Variants in MYO18B observed in about 807,000 individuals in gnomAD.
MYO18B encodes the protein unconventional myosin-XVIIIb.
A neutral mutation model predicts 273.0 loss-of-function variants in MYO18B; 204 were observed. The ratio of observed to expected loss-of-function variants is 0.75; its 90% CI spans 0.67 to 0.84. The LOEUF is 0.84. Among genes scored for constraint, MYO18B ranks in the 40% least tolerant of loss-of-function variants. MYO18B has a pLI of 0.00. For missense variants in MYO18B, 3,212 were observed against 3,287.6 expected (o/e 0.98, Z 0.56); for synonymous variants, 1,330 against 1,305.7 (o/e 1.02, Z -0.40).
At chr22:25,898,538 G>T in intron 29 of MYO18B, 77 bp downstream of exon 29, 1 of 1,520,368 alleles carries the variant, frequency 6.6e-7, no homozygotes, top group South Asian at 1.2e-5. Flanking sequence ...GGGTATCCAG[G>T]TTCTCCTAAC....
chr22:25,833,262 A>T (rs2145939956), intron 16 of MYO18B, among the ~76,000 whole-genome samples: 1 of 152,298 alleles, frequency 6.6e-6, no homozygotes, highest in South Asian at 2.1e-4. Flanking sequence ...GTCTTAGAAT[A>T]GACTCGTGCC....
intron 39 of MYO18B, chr22:25,983,199 T>C (rs1298269629): frequency 6.6e-6 from 1 of 151,904 alleles, no homozygotes; most frequent in African/African-American, 2.4e-5. Context: ...TGAGACCCCA[T>C]CTCTAAAAAA....
intron 25 of MYO18B, among the ~76,000 whole-genome samples, chr22:25,884,278 G>T (rs2091431777): frequency 6.6e-6 from 1 of 152,216 alleles, no homozygotes; most frequent in African/African-American, 2.4e-5. Flanking sequence ...AAAGTGACTT[G>T]TTGGGGTCAC....
chr22:25,935,175 TG>T (rs149668578), intron 34 of MYO18B, among the ~76,000 whole-genome samples: 15,278 of 152,182 alleles, frequency 0.1, 899 homozygotes, highest in Middle Eastern at 0.19. Context: ...GAAGCTAGCT[TG>T]GGAGAAGGGC....
chr22:25,980,593 A>G (rs748572985), intron 39 of MYO18B, among the ~76,000 whole-genome samples: 8 of 152,228 alleles, frequency 5.3e-5, no homozygotes, highest in Admixed American at 2.0e-4. Flanking sequence ...TCAACACAGG[A>G]TGGAAATACA....
intron 34 of MYO18B, among the ~76,000 whole-genome samples, chr22:25,932,021 GC>G (rs1465759633): frequency 1.3e-5 from 2 of 152,188 alleles, no homozygotes; most frequent in East Asian, 3.9e-4. Flanking sequence ...ACAGGCTTGA[GC>G]CAACACGCCC....
At chr22:25,892,851 G>A (rs1362542638) in intron 27 of MYO18B, among the ~76,000 whole-genome samples, 1 of 152,174 alleles carries the variant, frequency 6.6e-6, no homozygotes, top group African/African-American at 2.4e-5. Context: ...TGGCCTTGGA[G>A]GTAATTTCTA....
In MYO18B at chr22:26,026,975, T is replaced by C. The variant is rs1321425064; in HGVS notation, c.7001T>C (p.Val2334Ala). Residue 2334 changes from valine to alanine, a missense_variant, in exon 43 of 44, where the codon GTT becomes GCT. Coordinates refer to ENST00000335473, the MANE Select transcript of MYO18B (RefSeq NM_032608.7). ...CTCAAATGCATCTCTTCAGACGGTG[T>C]TGGGGGCACAACCCTACTCCCCGAA... ...TSLKCISSDG[V>A]GGTTLLPEKS... 1 of 1,613,886 alleles carries C rather than the reference T, an allele frequency of 6.2e-7. No homozygotes were observed. Among genetic ancestry groups the C allele is most frequent in the Non-Finnish European group, 8.5e-7 (1 of 1,179,878 alleles).
At chr22:25,905,306 G>C (rs1166636716) in intron 31 of MYO18B, among the ~76,000 whole-genome samples, 1 of 152,182 alleles carries the variant, frequency 6.6e-6, no homozygotes, top group Non-Finnish European at 1.5e-5. Flanking sequence ...TGCTCACTAA[G>C]GAGCGATAAG....
intron 39 of MYO18B, among the ~76,000 whole-genome samples, chr22:25,971,322 T>A (rs2093034252): frequency 6.6e-6 from 1 of 152,252 alleles, no homozygotes; most frequent in Non-Finnish European, 1.5e-5. Context: ...TGTCTCGATC[T>A]CTTTCAGGCA....
At chr22:25,758,336 A>C (rs565093328) in intron 1 of MYO18B, among the ~76,000 whole-genome samples, 5 of 148,806 alleles carry the variant, frequency 3.4e-5, no homozygotes, top group Non-Finnish European at 7.4e-5. Context: ...TTTTTTTTGA[A>C]TTAAACATAA....
chr22:25,980,859 A>T (rs1401795704), intron 39 of MYO18B, among the ~76,000 whole-genome samples: 2 of 152,196 alleles, frequency 1.3e-5, no homozygotes, highest in Non-Finnish European at 2.9e-5. Flanking sequence ...ACAGTTCTGG[A>T]GGCTGGAAGT....
At chr22:26,050,605 G>T in the MYO18B span, among the ~76,000 whole-genome samples, 7 of 152,132 alleles carry the variant, frequency 4.6e-5, no homozygotes, top group Admixed American at 2.0e-4. Flanking sequence ...GACAGGGCAC[G>T]TAGGAATATG....
At chr22:25,763,137 G>A (rs977190781) in intron 2 of MYO18B, 94 bp from the exon 3 acceptor site, 34 of 1,462,316 alleles carry the variant, frequency 2.3e-5, no homozygotes, top group South Asian at 1.5e-4. Flanking sequence ...TGTCTCCTCC[G>A]CCCCCTCCCA....
chr22:25,768,901 G>T lies in MYO18B; in HGVS notation c.985G>T (p.Asp329Tyr). The change falls in exon 4 of 44, where the codon GAC (aspartate) becomes TAC (tyrosine). Residue 329 changes from aspartate (D) to tyrosine (Y), a missense_variant. Physicochemically the swap from Asp to Tyr is radical, Grantham distance 160. Transcript: ENST00000335473. ...TTTCCTGGGAAGAAGGAGTAAGTGGGACGGTCCCCAGAATAAGAAGGACAA... is the reference window on the plus strand; with the variant it reads ...TTTCCTGGGAAGAAGGAGTAAGTGGTACGGTCCCCAGAATAAGAAGGACAA... ...GGFLGRRSKWDGPQNKKDKEG... is the reference protein window; with the variant it reads ...GGFLGRRSKWYGPQNKKDKEG... 2 of 1,613,020 alleles carry T rather than the reference G, an allele frequency of 1.2e-6. No homozygotes were observed. Among genetic ancestry groups the T allele is most frequent in the Non-Finnish European group, 1.7e-6 (2 of 1,179,514 alleles).
At chr22:26,045,390 G>A in the MYO18B span, among the ~76,000 whole-genome samples, 1 of 146,796 alleles carries the variant, frequency 6.8e-6, no homozygotes, top group Non-Finnish European at 1.5e-5. Context: ...GGTGACAGAA[G>A]CAGAATTAGT....
chr22:25,976,805 A>G (rs2093094783), intron 39 of MYO18B, among the ~76,000 whole-genome samples: 1 of 152,110 alleles, frequency 6.6e-6, no homozygotes, highest in Non-Finnish European at 1.5e-5. Context: ...TTTGCCCGAG[A>G]GGGATTGTTT....
At chr22:25,780,610 AAAAAAAAAAAAAAAAAG>A (rs1375150075) in intron 9 of MYO18B, among the ~76,000 whole-genome samples, 10 of 145,642 alleles carry the variant, frequency 6.9e-5, no homozygotes, top group Admixed American at 3.4e-4. Context: ...AAAAAAAAAA[AAAAAAAAAAAAAAAAAG>A]AAAGAAAGAA....
At chr22:25,770,082 G>T in intron 4 of MYO18B, 28 bp from the exon 5 acceptor site, 1 of 1,613,074 alleles carries the variant, frequency 6.2e-7, no homozygotes, top group Non-Finnish European at 8.5e-7. Context: ...CCATTTGCTG[G>T]TTTAATTTAC....
Sources: allele counts gnomAD v4.1 joint callset (sites outside exome capture counted in the v4.1 genomes callset), GRCh38; gene constraint gnomAD v4.1.1; transcripts MANE v1.5; gene names NCBI Gene and HGNC (gene_info 2026-07-23, HGNC 2026-07-21).